Variants in CX3CR1 observed in about 807,000 individuals in gnomAD.
CX3CR1 encodes the protein C-X3-C motif chemokine receptor 1.
For synonymous variants in CX3CR1, 168 were observed against 178.5 expected (o/e 0.94, Z 0.47); for missense variants, 363 against 432.4 (o/e 0.84, Z 1.42).
At chr3:39,280,554 G>T, upstream of CX3CR1, 2 of 825,574 alleles carry the variant, frequency 2.4e-6, no homozygotes, top group Non-Finnish European at 2.9e-6. Context: ...TGCATACTAA[G>T]TTTGAGAAGC....
chr3:39,272,315 C>T (rs756599712), intron 1 of CX3CR1, among the ~76,000 whole-genome samples: 3 of 152,214 alleles, frequency 2.0e-5, no homozygotes, highest in Non-Finnish European at 4.4e-5. Context: ...TGAACCTAGA[C>T]AGAGCTTTGA....
chr3:39,281,494 A>ATCAG, upstream of CX3CR1: 1 of 934,334 alleles, frequency 1.1e-6, no homozygotes. Context: ...TCCACCCCAC[A>ATCAG]TCAGTAATCC....
At chr3:39,279,266 T>G (rs1030224665) in intron 1 of CX3CR1, among the ~76,000 whole-genome samples, 2 of 152,116 alleles carry the variant, frequency 1.3e-5, no homozygotes, top group Non-Finnish European at 2.9e-5. Flanking sequence ...CCCATGAAAC[T>G]ATCTGCAATG....
the CX3CR1 span, among the ~76,000 whole-genome samples, chr3:39,288,314 T>C: frequency 6.6e-6 from 1 of 152,222 alleles, no homozygotes; most frequent in East Asian, 1.9e-4. Context: ...AAAGCACATG[T>C]TGCCTGCCTA....
Position 39,265,748 on chromosome 3 carries a change from C to T in CX3CR1, c.762G>A (p.Glu254=), listed in dbSNP as rs779537917. ...WTPYNVMIFL[E]TLKLYDFFPS... ...GAAAGAAGTCATAGAGCTTAAGCGTCTCCAGGAAAATCATAACGTTGTAGG... is the reference window on the plus strand; with the variant it reads ...GAAAGAAGTCATAGAGCTTAAGCGTTTCCAGGAAAATCATAACGTTGTAGG... The change falls in exon 2 of 2, where the codon GAG becomes GAA. Residue 254 remains glutamate, a synonymous_variant. Coordinates refer to ENST00000399220, the MANE Select transcript of CX3CR1 (RefSeq NM_001337.4). 6.2e-7 allele frequency: 1 copy of T among 1,614,216 alleles called. No homozygotes were observed. Among genetic ancestry groups the T allele is most frequent in the Non-Finnish European group, 8.5e-7 (1 of 1,180,038 alleles).
At chr3:39,267,758 A>G (rs1333100809) in intron 1 of CX3CR1, among the ~76,000 whole-genome samples, 1 of 152,194 alleles carries the variant, frequency 6.6e-6, no homozygotes, top group Non-Finnish European at 1.5e-5. Context: ...TACCAGCCCT[A>G]TAGTTCACTT....
the CX3CR1 span, among the ~76,000 whole-genome samples, chr3:39,288,303 GA>G: frequency 6.6e-6 from 1 of 152,196 alleles, no homozygotes; most frequent in Non-Finnish European, 1.5e-5. Flanking sequence ...CAGGTATTTA[GA>G]AAGCACATGT....
upstream of CX3CR1, among the ~76,000 whole-genome samples, chr3:39,282,653 G>A (rs142067457): frequency 2.3e-3 from 343 of 152,272 alleles, no homozygotes; most frequent in Non-Finnish European, 3.5e-3. Flanking sequence ...GAGACTTGGT[G>A]TGAATAAAGC....
upstream of CX3CR1, among the ~76,000 whole-genome samples, chr3:39,280,631 C>T (rs2040886000): frequency 6.6e-6 from 1 of 152,098 alleles, no homozygotes; most frequent in South Asian, 2.1e-4. Context: ...TTTTTTTCCT[C>T]ACCTCTCTGC....
At chr3:39,285,924 T>C (rs2040939460), upstream of CX3CR1, 1 of 152,210 alleles carries the variant, frequency 6.6e-6, no homozygotes, top group Non-Finnish European at 1.5e-5. Context: ...AATAGTTGTC[T>C]CTCACAAACA....
rs752076939 is a variant in CX3CR1 at position 39,265,970 on chromosome 3, G to C, written c.540C>G (p.Pro180=). The C allele has an allele frequency of 6.2e-7, 1 of 1,614,142 alleles. No individual in the cohort carries two copies. The highest frequency in any genetic ancestry group is 8.5e-7 in the Non-Finnish European group (1 of 1,180,024). The change falls in exon 2 of 2, where the codon CCC becomes CCG. Residue 180 remains proline, a synonymous_variant. Coordinates refer to ENST00000399220, the MANE Select transcript of CX3CR1 (RefSeq NM_001337.4). ...QKENECLGDY[P]EVLQEIWPVL... ...CGGGCCAGATTTCCTGGAGGACCTC[G>C]GGGTAGTCACCAAGGCATTCATTTT... is the stretch of plus-strand genomic sequence containing the variant.
At chr3:39,267,423 C>T (rs1326242515) in intron 1 of CX3CR1, among the ~76,000 whole-genome samples, 2 of 152,304 alleles carry the variant, frequency 1.3e-5, no homozygotes, top group East Asian at 3.9e-4. Context: ...TTTTTGAGAA[C>T]CATTTCACCT....
intron 1 of CX3CR1, among the ~76,000 whole-genome samples, chr3:39,278,262 TAAG>T (rs1396373932): frequency 3.2e-4 from 49 of 152,296 alleles, no homozygotes; most frequent in Admixed American, 3.2e-3. Flanking sequence ...GCCTGAGCAC[TAAG>T]AAGAACCACA....
chr3:39,292,618 G>C, the CX3CR1 span, among the ~76,000 whole-genome samples: 7 of 152,186 alleles, frequency 4.6e-5, no homozygotes, highest in African/African-American at 1.7e-4. Context: ...CAGGACCTGT[G>C]CTAAGTAAGT....
At chr3:39,271,730 T>C (rs946511433) in intron 1 of CX3CR1, among the ~76,000 whole-genome samples, 3 of 152,228 alleles carry the variant, frequency 2.0e-5, no homozygotes, top group Non-Finnish European at 2.9e-5. Flanking sequence ...CCCCAGAGCA[T>C]GTGAAGGCAC....
chr3:39,289,767 C>T, the CX3CR1 span, among the ~76,000 whole-genome samples: 1 of 152,090 alleles, frequency 6.6e-6, no homozygotes, highest in African/African-American at 2.4e-5. Flanking sequence ...GAGTGGGACC[C>T]TAATCCAACA....
At chr3:39,280,111 CT>C, upstream of CX3CR1, 3 of 971,366 alleles carry the variant, frequency 3.1e-6, no homozygotes, top group Non-Finnish European at 3.7e-6. Flanking sequence ...GGGAGACTAT[CT>C]TTAGATGCTG....
chr3:39,292,766 A>T, the CX3CR1 span, among the ~76,000 whole-genome samples: 1 of 152,112 alleles, frequency 6.6e-6, no homozygotes, highest in Non-Finnish European at 1.5e-5. Context: ...CTGCAGTCTG[A>T]CTCTGGAACC....
chr3:39,266,731 C>A lies in CX3CR1; in HGVS notation c.-9-213G>T, dbSNP rs1007527760. The A allele has an allele frequency of 6.7e-6, 5 of 751,716 alleles. No homozygotes were observed. The African/African-American group carries it at 8.5e-5, about 13-fold the overall frequency. The allele number at this position is 751,716 out of a possible 1,614,324, so 46.6% of individuals were successfully genotyped here. ...ACTCTTCTGACAGGAGAGGCGGACT[C>A]CTTTGACTTGCCCAAAGCCATGCAG... On this transcript the variant is annotated intron_variant, in intron 1 of 1. Coordinates refer to ENST00000399220, the MANE Select transcript of CX3CR1 (RefSeq NM_001337.4).
Sources: gnomAD v4.1 joint callset for allele counts (sites outside exome capture counted in the v4.1 genomes callset) on GRCh38, gnomAD v4.1.1 for gene constraint, MANE v1.5 for transcripts, NCBI Gene and HGNC (gene_info 2026-07-23, HGNC 2026-07-21) for gene names.